The following HK1 variants were observed in gnomAD, a reference collection of about 807,000 sequenced individuals.
HK1 encodes the protein hexokinase 1.
In HK1, 28 loss-of-function variants were observed where a neutral mutation model predicts 91.6. That is an observed-to-expected ratio of 0.31 (90% CI 0.23 to 0.42). HK1 has a LOEUF of 0.42. Among genes scored for constraint, HK1 ranks in the 10% least tolerant of loss-of-function variants. The pLI, the probability that HK1 is intolerant of heterozygous loss-of-function variation, is 1.00. For synonymous variants in HK1, 430 were observed against 468.1 expected, an observed-to-expected ratio of 0.92 and a Z score of 1.05; for missense variants, 770 against 1,219.8, an observed-to-expected ratio of 0.63 and a Z score of 5.49.
rs973448421 is a variant in HK1 at position 69,394,906 on chromosome 10, T to C, written c.2220-44T>C. The C allele has an allele frequency of 5.6e-6, 9 of 1,608,082 alleles. No individual in the cohort carries two copies. In the East Asian group the frequency reaches 1.3e-4, roughly 24 times the overall value. ...TGAGACCGAGGGGTGACAGTTCTCC[T>C]GGCCACTTCCCATAGACACCCCAGG... On this transcript the variant is annotated intron_variant, in intron 15 of 17. Transcript: ENST00000359426.
chr10:69,398,286 C>T (rs1282548294), intron 16 of HK1, among the ~76,000 whole-genome samples: 2 of 152,190 alleles, frequency 1.3e-5, no homozygotes, highest in Non-Finnish European at 2.9e-5. Context: ...AAGAAAATCA[C>T]ATATCAAGGA....
At position 69,377,033 on chromosome 10, in the gene HK1, C is replaced by T. The variant is rs1360205535; in HGVS notation, c.975C>T (p.Thr325=). 1.9e-6 allele frequency: 3 copies of T among 1,614,186 alleles called. No individual in the cohort carries two copies. The Admixed American group carries it at 5.0e-5, about 27-fold the overall frequency. The stretch of plus-strand genomic sequence containing the variant: ...GCCTCTTATTTGAAGGGCGGATCAC[C>T]CCGGAGCTGCTCACCCGAGGGAAGT... ...KEGLLFEGRI[T]PELLTRGKFN... is the part of the protein sequence containing the mutation. The change falls in exon 8 of 18, where the codon ACC becomes ACT. Residue 325 remains threonine (T), a synonymous_variant. Coordinates refer to ENST00000359426, the MANE Select transcript of HK1 (RefSeq NM_000188.3).
chr10:69,392,970 C>T (rs1839971479), intron 15 of HK1, among the ~76,000 whole-genome samples: 1 of 152,208 alleles, frequency 6.6e-6, no homozygotes, highest in Admixed American at 6.5e-5. Flanking sequence ...TTCGAATCAG[C>T]TTACAGTTTT....
At chr10:69,277,090 A>G (rs918573461) in intron 1 of HK1, among the ~76,000 whole-genome samples, 1 of 152,158 alleles carries the variant, frequency 6.6e-6, no homozygotes, top group Non-Finnish European at 1.5e-5. Flanking sequence ...GAATATTTTT[A>G]TTATGCCATC....
chr10:69,326,400 T>C (rs1847381884), intron 1 of HK1, among the ~76,000 whole-genome samples: 1 of 152,186 alleles, frequency 6.6e-6, no homozygotes, highest in Non-Finnish European at 1.5e-5. Context: ...GCCTTGTGTG[T>C]TGCAGACAGA....
In HK1 at chr10:69,319,008, A is replaced by G. The variant is rs1344625147; in HGVS notation, c.61A>G (p.Lys21Glu). ...GGAGCTGAAGGATGACCAGGTCAAA[A>G]AGGTGAGCCCCCGCCCGCGCCGCCG... ...FTELKDDQVK[K>E]IDKYLYAMRL... The change falls in exon 1 of 18, where the codon AAG becomes GAG. Residue 21 changes from lysine (K) to glutamate (E), a missense_variant and splice_region_variant. By Grantham distance (56) the Lys-to-Glu change is moderately conservative. Around this residue, in one of 7 missense-constraint regions of HK1, gnomAD observed 449 missense variants for 665.1 expected, o/e 0.68. Coordinates refer to ENST00000359426, the MANE Select transcript of HK1 (RefSeq NM_000188.3). 6.2e-7 allele frequency: 1 copy of G among 1,600,280 alleles called. No homozygotes were observed. Among genetic ancestry groups the G allele is most frequent in the Admixed American group, 1.7e-5 (1 of 58,860 alleles).
chr10:69,343,880 CATGA>C lies in HK1; in HGVS notation c.118_121del (p.Met40LeufsTer7). The C allele has an allele frequency of 6.2e-7, 1 of 1,613,994 alleles. No individual in the cohort carries two copies. The highest frequency in any genetic ancestry group is 8.5e-7 in the Non-Finnish European group (1 of 1,179,904). ...TCTCCGATGAAACTCTCATAGATAT[CATGA>C]CTCGCTTCAGGAAGGAGATGAAGAA... On this transcript the variant is annotated frameshift_variant, in exon 2 of 18. Coordinates refer to ENST00000359426, the MANE Select transcript of HK1 (RefSeq NM_000188.3). LOFTEE classifies it high-confidence loss of function.
chr10:69,387,993 G>A (rs1839725242), intron 13 of HK1, among the ~76,000 whole-genome samples: 1 of 151,964 alleles, frequency 6.6e-6, no homozygotes, highest in African/African-American at 2.4e-5. Flanking sequence ...CAGATACCTG[G>A]GCACTAGGCT....
At chr10:69,290,026 A>G (rs905635846) in intron 3 of HK1, among the ~76,000 whole-genome samples, 2 of 152,106 alleles carry the variant, frequency 1.3e-5, no homozygotes, top group African/African-American at 4.8e-5. Context: ...TAGCGGGCTC[A>G]TTTCAAATTA....
chr10:69,394,863 G>A (rs1249337377), intron 15 of HK1, 87 bp from the exon 16 acceptor site: 2 of 1,334,322 alleles, frequency 1.5e-6, no homozygotes, highest in African/African-American at 1.4e-5. Context: ...AGGGGCAGTA[G>A]GAGACGCGGA....
intron 3 of HK1, chr10:69,292,201 G>A (rs1845324629): frequency 3.7e-6 from 1 of 271,772 alleles, no homozygotes; most frequent in South Asian, 3.0e-5. Context: ...CTCCCAAGTA[G>A]CTGGGACTAG....
At chr10:69,389,152 G>T (rs772742864) in intron 13 of HK1, 45 bp from the exon 14 acceptor site, 2 of 1,453,572 alleles carry the variant, frequency 1.4e-6, no homozygotes, top group East Asian at 4.6e-5. Flanking sequence ...TTCAAGCCAG[G>T]CATAGTGATC....
chr10:69,350,262 G>A (rs76811683), intron 2 of HK1, among the ~76,000 whole-genome samples: 7,667 of 152,252 alleles, frequency 0.05, 219 homozygotes, highest in African/African-American at 0.082. Context: ...AGCTGGAGTG[G>A]GGATTCAGCC....
At chr10:69,306,701 G>C (rs1846125144) in intron 5 of HK1, among the ~76,000 whole-genome samples, 1 of 152,272 alleles carries the variant, frequency 6.6e-6, no homozygotes, top group South Asian at 2.1e-4. Flanking sequence ...TCCTGTACCT[G>C]TGATGGTAAG....
At chr10:69,311,455 G>A (rs1846374244), upstream of HK1, among the ~76,000 whole-genome samples, 1 of 152,152 alleles carries the variant, frequency 6.6e-6, no homozygotes, top group African/African-American at 2.4e-5. Flanking sequence ...GTGGGTGCTG[G>A]GAGAACTATC....
intron 1 of HK1, among the ~76,000 whole-genome samples, chr10:69,330,415 G>A (rs550387840): frequency 2.7e-3 from 417 of 152,142 alleles, no homozygotes; most frequent in Admixed American, 6.7e-3. Flanking sequence ...CCCAGGAAGT[G>A]GAATTCATGT....
chr10:69,321,993 G>A (rs1475557639), intron 1 of HK1, among the ~76,000 whole-genome samples: 1 of 152,234 alleles, frequency 6.6e-6, no homozygotes, highest in Non-Finnish European at 1.5e-5. Flanking sequence ...CAGTTCTGCA[G>A]CTAGAGGCTG....
chr10:69,315,340 A>G (rs1846579668), upstream of HK1, among the ~76,000 whole-genome samples: 1 of 152,184 alleles, frequency 6.6e-6, no homozygotes, highest in Non-Finnish European at 1.5e-5. Context: ...CAGACATTCC[A>G]ACTTAGAAGG....
At chr10:69,287,344 CA>C (rs1845077234) in intron 2 of HK1, among the ~76,000 whole-genome samples, 1 of 150,068 alleles carries the variant, frequency 6.7e-6, no homozygotes, top group Non-Finnish European at 1.5e-5. Context: ...ACAAGAACAG[CA>C]GGGGGGGAAC....
Sources: allele counts gnomAD v4.1 joint callset (sites outside exome capture counted in the v4.1 genomes callset), GRCh38; gene constraint gnomAD v4.1.1; regional missense constraint gnomAD v4.1.1; transcripts MANE v1.5; gene names NCBI Gene and HGNC (gene_info 2026-07-23, HGNC 2026-07-21).